The following BCL3 variants were observed in gnomAD, a reference collection of about 807,000 sequenced individuals.
BCL3 encodes B-cell lymphoma 3 protein.
BCL3 carries 15 observed loss-of-function variants against 35.7 expected under a neutral mutation model. That is an observed-to-expected ratio of 0.42 (90% CI 0.28 to 0.65). BCL3 has a LOEUF of 0.65. Ranked by LOEUF, BCL3 falls within the 30% of genes least tolerant of loss-of-function variation. The probability of loss-of-function intolerance (pLI) is 0.22; values close to 1 mark genes in which losing one functional copy is unlikely to be tolerated. For synonymous variants in BCL3, 311 were observed against 284.3 expected, an observed-to-expected ratio of 1.09 and a Z score of -0.95; for missense variants, 565 against 641.7, an observed-to-expected ratio of 0.88 and a Z score of 1.29.
intron 3 of BCL3, among the ~76,000 whole-genome samples, 200 bp from the exon 4 acceptor site, chr19:44,756,816 AG>A (rs778958434): frequency 1.4e-4 from 21 of 151,980 alleles, no homozygotes; most frequent in Admixed American, 2.0e-4. Context: ...CTAGGGAAAG[AG>A]GAGGTTGGAG....
chr19:44,752,354 C>A (rs924865184), intron 2 of BCL3, among the ~76,000 whole-genome samples: 3 of 151,848 alleles, frequency 2.0e-5, no homozygotes, highest in Non-Finnish European at 2.9e-5. Context: ...ACGCTACCCC[C>A]ACACCTGGCT....
In BCL3 at chr19:44,759,725, C is replaced by T. The variant is rs1219143232; in HGVS notation, c.*110C>T. On this transcript the variant is annotated 3_prime_UTR_variant, in exon 9 of 9. Coordinates refer to ENST00000164227, the MANE Select transcript of BCL3 (RefSeq NM_005178.5). ...TCACTCTGCCCCCCCCCCCCATCTT[C>T]GGGACCAGGATTTGCACAGAAGCAC... 10 of 570,250 alleles carry T rather than the reference C, an allele frequency of 1.8e-5. No individual in the cohort carries two copies. The highest frequency in any genetic ancestry group is 1.6e-4 in the East Asian group (4 of 25,680). The allele number at this position is 570,250 out of a possible 1,614,324, so 35.3% of individuals were successfully genotyped here.
intron 6 of BCL3, 151 bp from the exon 7 acceptor site, chr19:44,758,095 G>A: frequency 2.5e-6 from 2 of 816,086 alleles, no homozygotes; most frequent in South Asian, 4.1e-5. Flanking sequence ...GTCCCGCTTG[G>A]CCTGCCCTTG....
chr19:44,751,462 G>C, intron 2 of BCL3, 82 bp downstream of exon 2: 1 of 1,398,112 alleles, frequency 7.2e-7, no homozygotes, highest in Non-Finnish European at 9.5e-7. Context: ...GCTCCCAGTG[G>C]ACCTGAGTCA....
rs376405958 is a variant in BCL3, at chr19:44,755,922, CAAATAAAATA to C, written c.411-296_411-287del. Among the ~76,000 whole-genome samples, 1,409 of 152,000 alleles carry C rather than the reference CAAATAAAATA, an allele frequency of 9.3e-3. 25 individuals carry two copies. The highest frequency in any genetic ancestry group is 0.032 in the African/African-American group (1,327 of 41,414). On this transcript the variant is annotated intron_variant, in intron 2 of 8. Coordinates refer to ENST00000164227, the MANE Select transcript of BCL3 (RefSeq NM_005178.5). Reference sequence around the variant, plus strand: ...CGATAGAACAACACTCCGTCTCAAACAAATAAAATAAAATAAAATAAAAGGGTCCCTCTGG... The same window carrying C: ...CGATAGAACAACACTCCGTCTCAAACAAATAAAATAAAAGGGTCCCTCTGG...
At chr19:44,759,068 C>T (rs1967364756) in intron 8 of BCL3, among the ~76,000 whole-genome samples, 1 of 130,238 alleles carries the variant, frequency 7.7e-6, no homozygotes, top group Non-Finnish European at 1.7e-5. Flanking sequence ...TCCCTCAGAC[C>T]TCAGCCCCTC....
Position 44,757,154 on chromosome 19 carries a change from C to T in BCL3, c.657C>T (p.Thr219=), listed in dbSNP as rs1599842609. The T allele has an allele frequency of 1.9e-6, 3 of 1,588,218 alleles. No homozygotes were observed. Among genetic ancestry groups the T allele is most frequent in the Non-Finnish European group, 2.6e-6 (3 of 1,167,750 alleles). Residue 219 remains threonine (T), a synonymous_variant, in exon 4 of 9, where the codon ACC becomes ACT. Transcript: ENST00000164227. The surrounding 1 kb of genome is among the most constrained non-coding windows in gnomAD (Gnocchi z 8.4). The part of the protein sequence containing the change: ...AHLACEHRSP[T]CLRALLDSAA... Reference sequence around the variant, plus strand: ...TGGCGTGCGAGCACCGCAGCCCGACCTGCCTGCGAGCCCTGCTGGACAGCG... The same window carrying T: ...TGGCGTGCGAGCACCGCAGCCCGACTTGCCTGCGAGCCCTGCTGGACAGCG...
chr19:44,747,959 A>G (rs902368943), upstream of BCL3: 19 of 1,220,594 alleles, frequency 1.6e-5, no homozygotes, highest in African/African-American at 2.7e-4. Context: ...GCCCCTTTAG[A>G]CCCACAGCTG....
rs1323679018 is a variant in BCL3, at chr19:44,759,716, C to A, written c.*101C>A. 1.4e-5 allele frequency: 9 copies of A among 650,034 alleles called. No individual in the cohort carries two copies. The highest frequency in any genetic ancestry group is 9.5e-5 in the Admixed American group (3 of 31,444). 40.3% of individuals were successfully genotyped at this position (650,034 alleles called of 1,614,324 possible). On this transcript the variant is annotated 3_prime_UTR_variant, in exon 9 of 9. Coordinates refer to ENST00000164227, the MANE Select transcript of BCL3 (RefSeq NM_005178.5). ...GTGAAGATCTCACTCTGCCCCCCCC[C>A]CCCATCTTCGGGACCAGGATTTGCA...
At chr19:44,748,647 G>A, upstream of BCL3, 3 of 997,630 alleles carry the variant, frequency 3.0e-6, no homozygotes, top group Non-Finnish European at 2.4e-6. Context: ...GGCCGGGGGC[G>A]GGGAGGCGGG....
Position 44,757,380 on chromosome 19 carries a change from C to G in BCL3, c.778C>G (p.Leu260Val). 6.2e-7 allele frequency: 1 copy of G among 1,605,612 alleles called. No individual in the cohort carries two copies. Among genetic ancestry groups the G allele is most frequent in the Non-Finnish European group, 8.5e-7 (1 of 1,176,290 alleles). ...VNTECQETVQ[L>V]LLERGADIDA... is the part of the protein sequence containing the mutation. ...CACCGAGTGCCAAGAAACCGTGCAG[C>G]TCTTGCTAGAGCGCGGTGCCGACAT... Residue 260 changes from leucine to valine, a missense_variant, in exon 5 of 9, where the codon CTC (leucine) becomes GTC (valine). Physicochemically the swap from Leu to Val is conservative, Grantham distance 32. Transcript: ENST00000164227. This position sits in a 1 kb window ranked among gnomAD's most constrained non-coding sequence, Gnocchi z 8.4.
chr19:44,757,221 G>A lies in BCL3; in HGVS notation c.724G>A (p.Gly242Arg). The change falls in exon 4 of 9, where the codon GGG becomes AGG. Residue 242 changes from glycine to arginine, a missense_variant and splice_region_variant. Gly to Arg is a moderately radical substitution (Grantham distance 125). Transcript: ENST00000164227. The surrounding 1 kb of genome is among the most constrained non-coding windows in gnomAD (Gnocchi z 8.4). ...TLDLEARNYDGLTALHVAVNT... is the reference protein window; with the variant it reads ...TLDLEARNYDRLTALHVAVNT... Reference sequence around the variant, plus strand: ...GGACCTGGAGGCCCGCAATTATGACGGTAAGCATTTACCGCGGGGCACCGC... The same window carrying A: ...GGACCTGGAGGCCCGCAATTATGACAGTAAGCATTTACCGCGGGGCACCGC... The A allele has an allele frequency of 6.4e-7, 1 of 1,551,868 alleles. No homozygotes were observed. Among genetic ancestry groups the A allele is most frequent in the South Asian group, 1.2e-5 (1 of 85,772 alleles).
Position 44,758,812 on chromosome 19 carries a change from C to A in BCL3, c.1148C>A (p.Pro383His), listed in dbSNP as rs772932566. The change falls in exon 8 of 9, where the codon CCC (proline) becomes CAC (histidine). Residue 383 changes from proline to histidine, a missense_variant. Transcript: ENST00000164227. ...PSPDRSANTS[P>H]ESSSRLSSNG... ...CCTGACCGGAGCGCCAACACCTCCC[C>A]CGAGAGCAGCAGCCGCCTCAGCTCC... 6 of 1,604,594 alleles carry A rather than the reference C, an allele frequency of 3.7e-6. No individual in the cohort carries two copies. Among genetic ancestry groups the A allele is most frequent in the Non-Finnish European group, 5.1e-6 (6 of 1,176,658 alleles).
chr19:44,759,280 G>A (rs1229469733), intron 8 of BCL3, 148 bp from the exon 9 acceptor site: 1 of 304,850 alleles, frequency 3.3e-6, no homozygotes, highest in South Asian at 2.8e-5. Context: ...CCTCAGACCC[G>A]GGAGTTTAAA....
chr19:44,748,783 G>A lies in BCL3; in HGVS notation c.-8G>A. 3 of 1,106,974 alleles carry A rather than the reference G, an allele frequency of 2.7e-6. No individual in the cohort carries two copies. The highest frequency in any genetic ancestry group is 3.3e-6 in the Non-Finnish European group (3 of 908,310). The allele number at this position is 1,106,974 out of a possible 1,614,324, so 68.6% of individuals were successfully genotyped here. ...AGCCGCTCTCCGGCCGCCGTCCCCGGCGGCCCCATGCCCCGATGCCCCGCG... is the reference window on the plus strand; with the variant it reads ...AGCCGCTCTCCGGCCGCCGTCCCCGACGGCCCCATGCCCCGATGCCCCGCG... On this transcript the variant is annotated 5_prime_UTR_variant, in exon 1 of 9. Transcript: ENST00000164227.
chr19:44,752,394 C>T (rs1967198485), intron 2 of BCL3, among the ~76,000 whole-genome samples: 1 of 150,976 alleles, frequency 6.6e-6, no homozygotes, highest in South Asian at 2.1e-4. Context: ...TGTAGAAACA[C>T]AGCAGTCTTG....
chr19:44,748,782 G>C lies in BCL3; in HGVS notation c.-9G>C, dbSNP rs1967117059. 1 of 1,106,038 alleles carries C rather than the reference G, an allele frequency of 9.0e-7. No homozygotes were observed. The allele number at this position is 1,106,038 out of a possible 1,614,324, so 68.5% of individuals were successfully genotyped here. ...CAGCCGCTCTCCGGCCGCCGTCCCCGGCGGCCCCATGCCCCGATGCCCCGC... is the reference window on the plus strand; with the variant it reads ...CAGCCGCTCTCCGGCCGCCGTCCCCCGCGGCCCCATGCCCCGATGCCCCGC... On this transcript the variant is annotated 5_prime_UTR_variant, in exon 1 of 9. Coordinates refer to ENST00000164227, the MANE Select transcript of BCL3 (RefSeq NM_005178.5).
chr19:44,757,043 C>T lies in BCL3; in HGVS notation c.546C>T (p.Thr182=). The change falls in exon 4 of 9, where the codon ACC becomes ACT. Residue 182 remains threonine (T), a synonymous_variant. Transcript: ENST00000164227. This position sits in a 1 kb window ranked among gnomAD's most constrained non-coding sequence, Gnocchi z 8.4. ...RQTPLHLAVI[T]TLPSVVRLLV... ...CACCGCTCCACCTGGCTGTGATCAC[C>T]ACATTACCGTCTGTGGTCCGGCTCC... The T allele has an allele frequency of 6.2e-7, 1 of 1,610,848 alleles. No individual in the cohort carries two copies. Among genetic ancestry groups the T allele is most frequent in the Non-Finnish European group, 8.5e-7 (1 of 1,178,692 alleles).
Position 44,759,623 on chromosome 19 carries a change from G to T in BCL3, c.*8G>T, listed in dbSNP as rs1456707491. 3 of 1,595,692 alleles carry T rather than the reference G, an allele frequency of 1.9e-6. No homozygotes were observed. Among genetic ancestry groups the T allele is most frequent in the East Asian group, 4.5e-5 (2 of 44,478 alleles). On this transcript the variant is annotated 3_prime_UTR_variant, in exon 9 of 9. Coordinates refer to ENST00000164227, the MANE Select transcript of BCL3 (RefSeq NM_005178.5). ...GCTCCAGGAGGCAGCTGAGGGGGAT[G>T]GGGGGGCAGATCTTGGACTCATGAG... is the stretch of plus-strand genomic sequence containing the variant.
Sources: gnomAD v4.1 joint callset for allele counts (sites outside exome capture counted in the v4.1 genomes callset) on GRCh38, gnomAD v4.1.1 for gene constraint, Gnocchi (gnomAD v3.1) non-coding constraint, MANE v1.5 for transcripts, NCBI Gene and HGNC (gene_info 2026-07-23, HGNC 2026-07-21) for gene names.